Variants in CADPS2 observed in about 807,000 individuals in gnomAD.
CADPS2 encodes calcium-dependent secretion activator 2.
In CADPS2, 93 loss-of-function variants were observed where a neutral mutation model predicts 172.5. The observed-to-expected ratio is 0.54, with a 90% CI of 0.46 to 0.64. The LOEUF (loss-of-function observed/expected upper bound fraction) is 0.64. Among genes scored for constraint, CADPS2 ranks in the 30% least tolerant of loss-of-function variants. The pLI is 0.00. For synonymous variants in CADPS2, 546 were observed against 555.2 expected, an observed-to-expected ratio of 0.98 and a Z score of 0.23; for missense variants, 1,420 against 1,565.9, an observed-to-expected ratio of 0.91 and a Z score of 1.57.
At chr7:122,685,556 C>G (rs1474937746) in intron 2 of CADPS2, among the ~76,000 whole-genome samples, 1 of 152,188 alleles carries the variant, frequency 6.6e-6, no homozygotes, top group Non-Finnish European at 1.5e-5. Context: ...TTCATTCATT[C>G]TTTTCAGGTC....
intron 3 of CADPS2, among the ~76,000 whole-genome samples, chr7:122,657,289 C>T (rs2079922496): frequency 6.6e-6 from 1 of 152,228 alleles, no homozygotes; most frequent in Admixed American, 6.5e-5. Context: ...CTTGGCAATG[C>T]AGGCTCTTTT....
chr7:122,483,769 T>C (rs1436342596), intron 11 of CADPS2, among the ~76,000 whole-genome samples: 2 of 152,074 alleles, frequency 1.3e-5, no homozygotes, highest in East Asian at 1.9e-4. Context: ...TACATGAAGA[T>C]ATATAATAAA....
chr7:122,618,000 T>C (rs1403564237), intron 5 of CADPS2, among the ~76,000 whole-genome samples: 5 of 150,698 alleles, frequency 3.3e-5, no homozygotes, highest in African/African-American at 4.9e-5. Context: ...GCCGAGATCG[T>C]GCCACTGCAC....
intron 1 of CADPS2, among the ~76,000 whole-genome samples, chr7:122,751,911 C>T (rs781723459): frequency 1.3e-5 from 2 of 152,266 alleles, no homozygotes; most frequent in Non-Finnish European, 2.9e-5. Flanking sequence ...GATATAGGGC[C>T]AGGTCAAGTC....
Position 122,668,223 on chromosome 7 carries a change from G to A in CADPS2, c.454-4654C>T, listed in dbSNP as rs113503860. Among the ~76,000 whole-genome samples the A allele has an allele frequency of 9.1e-3, 1,214 of 133,664 alleles. 7 individuals are homozygous for A. Among genetic ancestry groups the A allele is most frequent in the Admixed American group, 0.014 (189 of 13,102 alleles). The allele number at this position is 133,664 out of a possible 152,430, so 87.7% of individuals were successfully genotyped here. The stretch of plus-strand genomic sequence containing the variant: ...ATTTACAAAATGTGGAAATATAAGA[G>A]AGGGAAAATTGGAAAATTCCATTTT... On this transcript the variant is annotated intron_variant, in intron 2 of 29. Coordinates refer to ENST00000449022, the MANE Select transcript of CADPS2 (RefSeq NM_017954.11).
intron 6 of CADPS2, among the ~76,000 whole-genome samples, chr7:122,596,417 A>C (rs2071789534): frequency 6.6e-6 from 1 of 152,084 alleles, no homozygotes; most frequent in Non-Finnish European, 1.5e-5. Context: ...AGAATCTGAA[A>C]GGATATTTAA....
rs1178453959 is a variant in CADPS2 at position 122,619,867 on chromosome 7, A to G, written c.1104+1614T>C. Among the ~76,000 whole-genome samples the G allele has an allele frequency of 3.3e-5, 5 of 152,276 alleles. No homozygotes were observed. In the East Asian group the frequency reaches 9.6e-4, roughly 29 times the overall value. On this transcript the variant is annotated intron_variant, in intron 5 of 29. Transcript: ENST00000449022. ...GGCTAAGAAGAAACCCAGTAGTGAA[A>G]CCATTTGGCAAAGTCATTAGGTAAG...
intron 25 of CADPS2, among the ~76,000 whole-genome samples, chr7:122,366,469 G>A (rs1439175601): frequency 6.7e-6 from 1 of 150,288 alleles, no homozygotes; most frequent in Non-Finnish European, 1.5e-5. Context: ...CCCGGCCATG[G>A]TGGCGGGCGC....
At chr7:122,456,779 C>A (rs538191086) in intron 14 of CADPS2, among the ~76,000 whole-genome samples, 1 of 152,286 alleles carries the variant, frequency 6.6e-6, no homozygotes, top group South Asian at 2.1e-4. Flanking sequence ...CACGTGTGCA[C>A]ACAAACACAG....
At chr7:122,417,654 G>A (rs1341165097) in intron 17 of CADPS2, among the ~76,000 whole-genome samples, 1 of 152,138 alleles carries the variant, frequency 6.6e-6, no homozygotes, top group Non-Finnish European at 1.5e-5. Context: ...TTTGGGGGCC[G>A]CTCTAGCTGT....
chr7:122,629,524 G>T (rs1467450786), intron 3 of CADPS2, among the ~76,000 whole-genome samples, 196 bp from the exon 4 acceptor site: 2 of 152,020 alleles, frequency 1.3e-5, no homozygotes, highest in African/African-American at 4.8e-5. Flanking sequence ...AATTTCTTGG[G>T]TACTTTCTCA....
intron 6 of CADPS2, among the ~76,000 whole-genome samples, chr7:122,607,768 ATT>A (rs2073772523): frequency 6.6e-6 from 1 of 152,090 alleles, no homozygotes; most frequent in African/African-American, 2.4e-5. Flanking sequence ...TTTAGGCTTC[ATT>A]TTGTTCTGCA....
intron 2 of CADPS2, among the ~76,000 whole-genome samples, chr7:122,691,653 A>C (rs1256206590): frequency 6.6e-6 from 1 of 152,200 alleles, no homozygotes; most frequent in Non-Finnish European, 1.5e-5. Flanking sequence ...ACACTATGAA[A>C]GTCCATTGTC....
intron 14 of CADPS2, among the ~76,000 whole-genome samples, chr7:122,468,493 A>G (rs2055462096): frequency 6.6e-6 from 1 of 152,206 alleles, no homozygotes; most frequent in Admixed American, 6.6e-5. Flanking sequence ...TACAGTCCTA[A>G]CTACATACTT....
intron 8 of CADPS2, among the ~76,000 whole-genome samples, chr7:122,517,025 G>A (rs192362679): frequency 1.1e-4 from 17 of 152,134 alleles, no homozygotes; most frequent in South Asian, 2.1e-4. Context: ...CTCCCCAAAA[G>A]TTCCCTTATG....
intron 8 of CADPS2, among the ~76,000 whole-genome samples, chr7:122,551,129 T>TA (rs1218747989): frequency 6.6e-6 from 1 of 152,022 alleles, no homozygotes; most frequent in Non-Finnish European, 1.5e-5. Context: ...CCTTCTGGTT[T>TA]AAAAAAATAG....
intron 6 of CADPS2, among the ~76,000 whole-genome samples, chr7:122,584,611 C>T (rs910726984): frequency 6.6e-6 from 1 of 151,654 alleles, no homozygotes; most frequent in Non-Finnish European, 1.5e-5. Flanking sequence ...CTATTTTAAC[C>T]CTGCTGTTTA....
intron 1 of CADPS2, among the ~76,000 whole-genome samples, chr7:122,843,113 G>A (rs376679409): frequency 3.9e-5 from 6 of 152,252 alleles, no homozygotes; most frequent in South Asian, 2.1e-4. Flanking sequence ...TTAGGATACC[G>A]AAGCTGGAAA....
intron 25 of CADPS2, among the ~76,000 whole-genome samples, chr7:122,378,336 G>T (rs1232230678): frequency 1.3e-5 from 2 of 152,106 alleles, no homozygotes; most frequent in South Asian, 4.1e-4. Flanking sequence ...TTTCCAGAAA[G>T]GCTGTAACAA....
Sources: allele counts gnomAD v4.1 joint callset (sites outside exome capture counted in the v4.1 genomes callset), GRCh38; gene constraint gnomAD v4.1.1; transcripts MANE v1.5; gene names NCBI Gene and HGNC (gene_info 2026-07-23, HGNC 2026-07-21).